MARCHF3: variants seen among roughly 807,000 people sequenced by gnomAD.
MARCHF3 encodes membrane associated ring-CH-type finger 3.
In MARCHF3, 13 loss-of-function variants were observed where a neutral mutation model predicts 24.2. The ratio of observed to expected loss-of-function variants is 0.54; its 90% confidence interval spans 0.35 to 0.85. The LOEUF is 0.85. MARCHF3 is among the 40% of genes least tolerant of loss of function. The pLI is 0.01. For synonymous variants in MARCHF3, 144 were observed against 137.3 expected (o/e 1.05, Z -0.34); for missense variants, 276 against 325.0 (o/e 0.85, Z 1.16).
At chr5:126,909,310 G>A (rs1196369205) in intron 3 of MARCHF3, among the ~76,000 whole-genome samples, 1 of 152,252 alleles carries the variant, frequency 6.6e-6, no homozygotes, top group African/African-American at 2.4e-5. Flanking sequence ...GGAGCCTATA[G>A]AGGCAGGCAG....
chr5:126,956,673 C>CAAAAAA (rs1410549848), intron 1 of MARCHF3, among the ~76,000 whole-genome samples: 9 of 128,124 alleles, frequency 7.0e-5, no homozygotes, highest in African/African-American at 2.9e-4. Context: ...AAAAAAAAAC[C>CAAAAAA]AAAAAAACAA....
intron 1 of MARCHF3, among the ~76,000 whole-genome samples, chr5:126,953,243 T>C (rs1475312990): frequency 6.6e-6 from 1 of 152,216 alleles, no homozygotes; most frequent in Non-Finnish European, 1.5e-5. Flanking sequence ...AATCAAATCA[T>C]GGCAGAAAAT....
chr5:127,026,355 G>A (rs1191829903), intron 1 of MARCHF3, among the ~76,000 whole-genome samples: 1 of 152,166 alleles, frequency 6.6e-6, no homozygotes, highest in Non-Finnish European at 1.5e-5. Flanking sequence ...CATGACAACA[G>A]ACAAAACAGC....
At chr5:126,938,165 C>CTTTTT (rs527628656) in intron 1 of MARCHF3, among the ~76,000 whole-genome samples, 21 of 122,888 alleles carry the variant, frequency 1.7e-4, no homozygotes, top group South Asian at 2.7e-4. Flanking sequence ...TGATCTGATT[C>CTTTTT]TTTTTTTTTT....
rs371886683 is a variant in MARCHF3, at chr5:126,976,167, A to C, written c.-57+54183T>G. Among the ~76,000 whole-genome samples, 6 of 152,106 alleles carry C rather than the reference A, an allele frequency of 3.9e-5. No homozygotes were observed. The South Asian group carries it at 1.0e-3, about 26-fold the overall frequency. On this transcript the variant is annotated intron_variant, in intron 1 of 4. Coordinates refer to ENST00000308660, the MANE Select transcript of MARCHF3 (RefSeq NM_178450.5). Reference sequence around the variant, plus strand: ...GAGGCACATCTTCATTCTTTTTGTTAATCTTTTTTTCCCAGTTAAGATACA... The same window carrying C: ...GAGGCACATCTTCATTCTTTTTGTTCATCTTTTTTTCCCAGTTAAGATACA...
At chr5:126,943,522 G>A (rs1277509595) in intron 1 of MARCHF3, among the ~76,000 whole-genome samples, 2 of 151,634 alleles carry the variant, frequency 1.3e-5, no homozygotes, top group East Asian at 3.9e-4. Context: ...GGTCGAGGCT[G>A]CAGTGTGCTG....
intron 1 of MARCHF3, among the ~76,000 whole-genome samples, chr5:126,950,031 T>C (rs1750169733): frequency 6.6e-6 from 1 of 152,168 alleles, no homozygotes; most frequent in Non-Finnish European, 1.5e-5. Flanking sequence ...CCAACTCCAA[T>C]AATCTTTTGA....
At chr5:126,951,783 C>T (rs2126816096) in intron 1 of MARCHF3, among the ~76,000 whole-genome samples, 1 of 152,274 alleles carries the variant, frequency 6.6e-6, no homozygotes, top group African/African-American at 2.4e-5. Flanking sequence ...AAGGCACTGA[C>T]CTTTAATGTT....
chr5:126,916,373 C>A (rs1754732206), intron 2 of MARCHF3, among the ~76,000 whole-genome samples: 1 of 152,194 alleles, frequency 6.6e-6, no homozygotes, highest in African/African-American at 2.4e-5. Flanking sequence ...CAGGCACATG[C>A]CCATTCATCC....
intron 1 of MARCHF3, among the ~76,000 whole-genome samples, chr5:126,967,421 G>A (rs1016531477): frequency 2.7e-4 from 41 of 152,206 alleles, no homozygotes; most frequent in Admixed American, 1.6e-3. Context: ...GGCCTGGTGC[G>A]GTGGCTCAAG....
chr5:126,949,765 A>G (rs1387508297), intron 1 of MARCHF3, among the ~76,000 whole-genome samples: 1 of 152,202 alleles, frequency 6.6e-6, no homozygotes, highest in Non-Finnish European at 1.5e-5. Flanking sequence ...TCACAAAGGT[A>G]GGCTGGGATT....
intron 4 of MARCHF3, among the ~76,000 whole-genome samples, chr5:126,876,192 T>A (rs1212180442): frequency 6.6e-6 from 1 of 152,206 alleles, no homozygotes; most frequent in African/African-American, 2.4e-5. Context: ...CAGCCACCTA[T>A]CACCCTGTTT....
intron 3 of MARCHF3, among the ~76,000 whole-genome samples, chr5:126,900,715 T>G (rs1196439189): frequency 6.6e-6 from 1 of 151,744 alleles, no homozygotes; most frequent in African/African-American, 2.4e-5. Flanking sequence ...TTTTTTTTTT[T>G]TTTTGAGATG....
At chr5:126,924,810 C>T (rs898175208) in intron 1 of MARCHF3, among the ~76,000 whole-genome samples, 1 of 152,252 alleles carries the variant, frequency 6.6e-6, no homozygotes, top group African/African-American at 2.4e-5. Context: ...AGGCTATTCA[C>T]TAAGAATGTG....
chr5:126,895,265 G>A (rs1320434742), intron 3 of MARCHF3, among the ~76,000 whole-genome samples: 2 of 152,090 alleles, frequency 1.3e-5, no homozygotes, highest in African/African-American at 4.8e-5. Context: ...ATGTCCTCCT[G>A]TAGCTCAGAG....
chr5:126,969,755 C>T (rs937020307), intron 1 of MARCHF3, among the ~76,000 whole-genome samples: 4 of 152,194 alleles, frequency 2.6e-5, no homozygotes, highest in African/African-American at 9.6e-5. Flanking sequence ...ACCCAGATTC[C>T]TGACCCCCAT....
At chr5:126,955,161 A>T (rs1304542659) in intron 1 of MARCHF3, among the ~76,000 whole-genome samples, 2 of 152,200 alleles carry the variant, frequency 1.3e-5, no homozygotes, top group African/African-American at 4.8e-5. Context: ...ACAAATATTT[A>T]TGTGCATCAG....
intron 1 of MARCHF3, among the ~76,000 whole-genome samples, chr5:127,027,803 G>T (rs539505172): frequency 1.3e-5 from 2 of 152,338 alleles, no homozygotes; most frequent in African/African-American, 4.8e-5. Context: ...GACTATAACT[G>T]TTCTTTTATG....
chr5:126,954,291 C>T (rs1317558133), intron 1 of MARCHF3, among the ~76,000 whole-genome samples: 2 of 151,234 alleles, frequency 1.3e-5, no homozygotes, highest in Non-Finnish European at 2.9e-5. Flanking sequence ...CCTCGTGATC[C>T]GCCCGCCTCG....
Sources: gnomAD v4.1 joint callset for allele counts (sites outside exome capture counted in the v4.1 genomes callset) on GRCh38, gnomAD v4.1.1 for gene constraint, MANE v1.5 for transcripts, NCBI Gene and HGNC (gene_info 2026-07-23, HGNC 2026-07-21) for gene names.